The following SUPV3L1 variants were observed in gnomAD, a reference collection of about 807,000 sequenced individuals.
SUPV3L1 encodes the protein Suv3 like RNA helicase, also known as ATP-dependent RNA helicase SUPV3L1, mitochondrial.
A neutral mutation model predicts 70.0 loss-of-function variants in SUPV3L1; 35 were observed. The ratio of observed to expected loss-of-function variants is 0.50; its 90% confidence interval spans 0.38 to 0.66. The LOEUF (loss-of-function observed/expected upper bound fraction) is 0.66, where lower values mean the gene tolerates loss of function less well. Ranked by LOEUF, SUPV3L1 falls within the 30% of genes least tolerant of loss-of-function variation. SUPV3L1 has a pLI of 0.00. For missense variants in SUPV3L1, 777 were observed against 961.5 expected, an observed-to-expected ratio of 0.81 and a Z score of 2.54; for synonymous variants, 364 against 341.9, an observed-to-expected ratio of 1.06 and a Z score of -0.71.
At chr10:69,208,552 G>A in intron 14 of SUPV3L1, 48 bp from the exon 15 acceptor site, 3 of 1,559,082 alleles carry the variant, frequency 1.9e-6, no homozygotes, top group Non-Finnish European at 2.6e-6. Context: ...GTTGTCCAGT[G>A]ACTGCGATAA....
intron 6 of SUPV3L1, among the ~76,000 whole-genome samples, chr10:69,194,605 C>T (rs369952843): frequency 1.3e-5 from 2 of 152,048 alleles, no homozygotes; most frequent in African/African-American, 4.8e-5. Flanking sequence ...CCGCCTCGAC[C>T]TCCCAAGAAA....
intron 11 of SUPV3L1, 30 bp from the exon 12 acceptor site, chr10:69,202,409 G>C: frequency 6.3e-7 from 1 of 1,585,540 alleles, no homozygotes; most frequent in Admixed American, 1.8e-5. Flanking sequence ...AAAAAAATCA[G>C]CTTATGATTG....
intron 1 of SUPV3L1, among the ~76,000 whole-genome samples, chr10:69,183,251 C>G (rs909551962): frequency 6.6e-6 from 1 of 152,214 alleles, no homozygotes; most frequent in Non-Finnish European, 1.5e-5. Context: ...TTCCCTCATT[C>G]TCCACTGCAA....
intron 12 of SUPV3L1, 127 bp downstream of exon 12, chr10:69,202,646 C>A: frequency 1.7e-6 from 2 of 1,145,220 alleles, no homozygotes; most frequent in Non-Finnish European, 2.5e-6. Context: ...ATTTATTTTA[C>A]AAGTGAAAAT....
chr10:69,208,488 G>T (rs1842894500), intron 14 of SUPV3L1, 112 bp from the exon 15 acceptor site: 2 of 1,190,732 alleles, frequency 1.7e-6, no homozygotes, highest in Non-Finnish European at 1.2e-6. Flanking sequence ...AAGAGAGTTT[G>T]CAAAAAGAAC....
At position 69,208,777 on chromosome 10, in the gene SUPV3L1, A is replaced by G. The variant is rs375975958; in HGVS notation, c.2103A>G (p.Gly701=). The part of the protein sequence containing the change: ...FPSGSQSRLS[G]TLKSQARRTR... Reference sequence around the variant, plus strand: ...CAGGGAGCCAGTCACGATTGTCAGGAACCTTAAAGAGCCAAGCTAGAAGGA... The same window carrying G: ...CAGGGAGCCAGTCACGATTGTCAGGGACCTTAAAGAGCCAAGCTAGAAGGA... The change falls in exon 15 of 15, where the codon GGA becomes GGG. Residue 701 remains glycine, a synonymous_variant. Coordinates refer to ENST00000359655, the MANE Select transcript of SUPV3L1 (RefSeq NM_003171.5). The G allele has an allele frequency of 9.0e-5, 146 of 1,614,040 alleles. No individual in the cohort carries two copies. Among genetic ancestry groups the G allele is most frequent in the Non-Finnish European group, 1.2e-4 (140 of 1,180,046 alleles).
chr10:69,197,171 C>A, intron 8 of SUPV3L1, 88 bp downstream of exon 8: 2 of 1,031,102 alleles, frequency 1.9e-6, no homozygotes, highest in South Asian at 1.3e-5. Flanking sequence ...TAGATAATGC[C>A]AGCGTCAGAA....
In SUPV3L1 at chr10:69,206,466, G is replaced by C. The variant is rs528063363; in HGVS notation, c.1777-1327G>C. On this transcript the variant is annotated intron_variant, in intron 13 of 14. Coordinates refer to ENST00000359655, the MANE Select transcript of SUPV3L1 (RefSeq NM_003171.5). ...GCTTGAGGGGTCTTACTGTGTGGTT[G>C]TATGTCTATCTTCTGTAGTACAGGT... Among the ~76,000 whole-genome samples, 37 of 152,310 alleles carry C rather than the reference G, an allele frequency of 2.4e-4. 2 individuals carry two copies. The highest frequency in any genetic ancestry group is 8.4e-4 in the African/African-American group (35 of 41,588).
In SUPV3L1 at chr10:69,207,782, TTCTC is replaced by T. The variant is rs1564715775; in HGVS notation, c.1777-6_1777-3del. On this transcript the variant is annotated splice_polypyrimidine_tract_variant and splice_region_variant and intron_variant, in intron 13 of 14. Transcript: ENST00000359655. ...CACTTCTCTGAAACCCTTTTCCTCT[TTCTC>T]TCTCAGTTTGCCAGGCAGTATAGCA... 1 of 1,609,046 alleles carries T rather than the reference TTCTC, an allele frequency of 6.2e-7. No homozygotes were observed. The highest frequency in any genetic ancestry group is 1.7e-5 in the Admixed American group (1 of 58,694).
Position 69,202,902 on chromosome 10 carries a change from G to A in SUPV3L1, c.1635G>A (p.Gln545=). 1 of 1,613,576 alleles carries A rather than the reference G, an allele frequency of 6.2e-7. No individual in the cohort carries two copies. Among genetic ancestry groups the A allele is most frequent in the Non-Finnish European group, 8.5e-7 (1 of 1,179,848 alleles). ...TAGACTTTTCACAAGTTGATGGGCA[G>A]TATTTTGTCTGCAATATGGATGATT... is the stretch of plus-strand genomic sequence containing the variant. ...IFVDFSQVDG[Q]YFVCNMDDFK... The change falls in exon 13 of 15, where the codon CAG becomes CAA. Residue 545 remains glutamine (Q), a synonymous_variant. Transcript: ENST00000359655.
chr10:69,199,226 T>G (rs1564709504), intron 10 of SUPV3L1, 29 bp downstream of exon 10: 1 of 1,551,018 alleles, frequency 6.4e-7, no homozygotes, highest in Non-Finnish European at 8.8e-7. Context: ...ATAAGATGAA[T>G]ATTTGGTGAG....
Position 69,187,773 on chromosome 10 carries a change from G to A in SUPV3L1, c.572+17G>A. On this transcript the variant is annotated intron_variant, in intron 4 of 14. Coordinates refer to ENST00000359655, the MANE Select transcript of SUPV3L1 (RefSeq NM_003171.5). ...ACCTAACTGGTTAGTTTCTCCATTT[G>A]TGGATTTGAAATTTTCAGTTTCTAA... 3 of 1,520,192 alleles carry A rather than the reference G, an allele frequency of 2.0e-6. No individual in the cohort carries two copies. Among genetic ancestry groups the A allele is most frequent in the African/African-American group, 2.8e-5 (2 of 71,408 alleles). The allele number at this position is 1,520,192 out of a possible 1,614,324, so 94.2% of individuals were successfully genotyped here. A position where few individuals can be genotyped will look rare whatever the true frequency, so the allele number is the denominator to read the frequency against.
chr10:69,186,557 GTTTAGAGAC>G lies in SUPV3L1; in HGVS notation c.457+11_457+19del. On this transcript the variant is annotated splice_region_variant and intron_variant, in intron 3 of 14. Coordinates refer to ENST00000359655, the MANE Select transcript of SUPV3L1 (RefSeq NM_003171.5). Reference sequence around the variant, plus strand: ...GATATTTGCTTCGGTGCAGGCAAGTGTTTAGAGACTTTTTAAAATCCTATTGAACATACC... The same window carrying G: ...GATATTTGCTTCGGTGCAGGCAAGTGTTTTTAAAATCCTATTGAACATACC... 1 of 1,603,126 alleles carries G rather than the reference GTTTAGAGAC, an allele frequency of 6.2e-7. No individual in the cohort carries two copies. Among genetic ancestry groups the G allele is most frequent in the Non-Finnish European group, 8.5e-7 (1 of 1,171,860 alleles).
intron 13 of SUPV3L1, among the ~76,000 whole-genome samples, chr10:69,204,016 A>C (rs886717803): frequency 5.9e-5 from 9 of 152,100 alleles, no homozygotes; most frequent in African/African-American, 2.2e-4. Context: ...TGAGCCACCT[A>C]GTCCAGCCTA....
In SUPV3L1 at chr10:69,209,049, T is replaced by G. The variant is rs372365210; in HGVS notation, c.*14T>G. On this transcript the variant is annotated 3_prime_UTR_variant, in exon 15 of 15. Coordinates refer to ENST00000359655, the MANE Select transcript of SUPV3L1 (RefSeq NM_003171.5). ...GATTCGGACTAGTTTTCTGTTCCTGTTTTTTTTTTTTTATTTAATTTTGCA... is the reference window on the plus strand; with the variant it reads ...GATTCGGACTAGTTTTCTGTTCCTGGTTTTTTTTTTTTATTTAATTTTGCA... 317 of 545,978 alleles carry G rather than the reference T, an allele frequency of 5.8e-4. 1 individual carries two copies. The African/African-American group carries it at 6.0e-3, about 10-fold the overall frequency. 33.8% of individuals were successfully genotyped at this position (545,978 alleles called of 1,614,324 possible).
intron 1 of SUPV3L1, among the ~76,000 whole-genome samples, chr10:69,184,616 T>TACACACACACACACAC (rs59328806): frequency 0.011 from 1,598 of 146,132 alleles, 20 homozygotes; most frequent in African/African-American, 0.028. Context: ...GAAATATAAA[T>TACACACACACACACAC]ACACACACAC....
chr10:69,182,329 C>T (rs1254854359), intron 1 of SUPV3L1, among the ~76,000 whole-genome samples: 2 of 151,840 alleles, frequency 1.3e-5, no homozygotes, highest in African/African-American at 2.4e-5. Context: ...AGTTCACTAG[C>T]GTTAAGTATA....
At chr10:69,205,724 G>A (rs1842809412) in intron 13 of SUPV3L1, among the ~76,000 whole-genome samples, 1 of 152,092 alleles carries the variant, frequency 6.6e-6, no homozygotes, top group African/African-American at 2.4e-5. Flanking sequence ...TAGTAGAGAT[G>A]GGGTTTCACC....
intron 3 of SUPV3L1, among the ~76,000 whole-genome samples, chr10:69,186,785 A>G (rs985709778): frequency 6.6e-6 from 1 of 152,194 alleles, no homozygotes; most frequent in Non-Finnish European, 1.5e-5. Context: ...ACTGGGGCCC[A>G]GTGAAATAAG....
Sources: gnomAD v4.1 joint callset for allele counts (sites outside exome capture counted in the v4.1 genomes callset) on GRCh38, gnomAD v4.1.1 for gene constraint, MANE v1.5 for transcripts, NCBI Gene and HGNC (gene_info 2026-07-23, HGNC 2026-07-21) for gene names.